Variants in SMG1 observed in about 807,000 individuals in gnomAD.
The protein encoded by SMG1 is SMG1 nonsense mediated mRNA decay associated PI3K related kinase.
Under a neutral mutation model 419.9 loss-of-function variants are expected in SMG1, and 22 were observed. That is an observed-to-expected ratio of 0.05 (90% CI 0.04 to 0.07). SMG1 has a LOEUF of 0.07. Among genes scored for constraint, SMG1 ranks in the 10% least tolerant of loss-of-function variants. The probability of loss-of-function intolerance (pLI) is 1.00; values close to 1 mark genes in which losing one functional copy is unlikely to be tolerated. For missense variants in SMG1, 3,185 were observed against 4,342.0 expected, an observed-to-expected ratio of 0.73 and a Z score of 7.49; for synonymous variants, 1,538 against 1,553.5, an observed-to-expected ratio of 0.99 and a Z score of 0.23.
intron 1 of SMG1, among the ~76,000 whole-genome samples, chr16:18,915,186 G>A (rs2037924799): frequency 6.6e-6 from 1 of 152,062 alleles, no homozygotes; most frequent in South Asian, 2.1e-4. Flanking sequence ...TGTTGGCCAG[G>A]ATGGTCTTGA....
intron 11 of SMG1, chr16:18,877,923 T>C (rs1369601062): frequency 1.3e-5 from 2 of 152,134 alleles, no homozygotes; most frequent in African/African-American, 4.8e-5. Context: ...AGAATTTGCT[T>C]TAAAATACTC....
At chr16:18,880,863 C>G (rs1027897516) in intron 10 of SMG1, among the ~76,000 whole-genome samples, 4 of 151,356 alleles carry the variant, frequency 2.6e-5, no homozygotes, top group Middle Eastern at 6.8e-3. Flanking sequence ...GAGACCCCAT[C>G]TCTACAAAAA....
chr16:18,827,659 A>T (rs1301433128), intron 55 of SMG1, among the ~76,000 whole-genome samples: 1 of 144,184 alleles, frequency 6.9e-6, no homozygotes, highest in Non-Finnish European at 1.5e-5. Context: ...ATACCAAAAT[A>T]TATATTTTTA....
Position 18,837,269 on chromosome 16 carries a change from G to C in SMG1, c.7588C>G (p.His2530Asp), listed in dbSNP as rs1364058385. ...GTTTTAAACCTGTGTTGCAGAGTAT[G>C]AGAAGGATGATCCACCCCTTCAGCT... is the stretch of plus-strand genomic sequence containing the variant. ...EGAEGVDHPS[H>D]TLQHRYSEHT... The change falls in exon 46 of 63, where the codon CAT becomes GAT. Residue 2530 changes from histidine (H) to aspartate (D), a missense_variant. Transcript: ENST00000446231. 1 of 1,613,648 alleles carries C rather than the reference G, an allele frequency of 6.2e-7. No individual in the cohort carries two copies. Among genetic ancestry groups the C allele is most frequent in the Non-Finnish European group, 8.5e-7 (1 of 1,179,742 alleles).
At chr16:18,869,019 TCAAATCTTTAA>T in intron 20 of SMG1, 74 bp downstream of exon 20, 1 of 1,263,556 alleles carries the variant, frequency 7.9e-7, no homozygotes, top group Admixed American at 1.9e-5. Flanking sequence ...TCATATACTC[TCAAATCTTTAA>T]CAAAGATTTA....
At position 18,859,879 on chromosome 16, in the gene SMG1, CT is replaced by C. The variant is rs538938540; in HGVS notation, c.3806-177del. On this transcript the variant is annotated intron_variant, in intron 26 of 62. Coordinates refer to ENST00000446231, the MANE Select transcript of SMG1 (RefSeq NM_015092.5). ...AAAAATCATACTTCATACAAAATTACTGTACCTCAGACCCCTAAAAAGCAGT... is the reference window on the plus strand; with the variant it reads ...AAAAATCATACTTCATACAAAATTACGTACCTCAGACCCCTAAAAAGCAGT... Among the ~76,000 whole-genome samples the C allele has an allele frequency of 2.2e-3, 329 of 152,262 alleles. 5 individuals are homozygous for C. Among genetic ancestry groups the C allele is most frequent in the African/African-American group, 7.2e-3 (301 of 41,544 alleles).
At chr16:18,852,519 A>G (rs1345824799) in intron 31 of SMG1, 57 bp from the exon 32 acceptor site, 1 of 1,352,814 alleles carries the variant, frequency 7.4e-7, no homozygotes, top group African/African-American at 1.5e-5. Context: ...TGTTACATTC[A>G]TAAATTCCTA....
intron 2 of SMG1, among the ~76,000 whole-genome samples, chr16:18,896,458 T>G (rs2037132077): frequency 6.6e-6 from 1 of 152,220 alleles, no homozygotes; most frequent in Non-Finnish European, 1.5e-5. Context: ...AAATCAAATT[T>G]TGTACCTTGT....
At chr16:18,894,276 A>C (rs1414351942) in intron 3 of SMG1, among the ~76,000 whole-genome samples, 2 of 152,040 alleles carry the variant, frequency 1.3e-5, no homozygotes, top group Non-Finnish European at 2.9e-5. Flanking sequence ...CCTGAACTTA[A>C]AAGTTAAAAA....
intron 60 of SMG1, 136 bp downstream of exon 60, chr16:18,815,039 G>A: frequency 1.6e-6 from 1 of 639,554 alleles, no homozygotes; most frequent in South Asian, 2.1e-5. Flanking sequence ...TTAAGGATAA[G>A]CTAAAATCTG....
At chr16:18,848,165 AC>A in intron 36 of SMG1, 132 bp from the exon 37 acceptor site, 6 of 711,688 alleles carry the variant, frequency 8.4e-6, no homozygotes, top group South Asian at 1.8e-5. Flanking sequence ...CAGGCATAGA[AC>A]TGATTAAAGA....
Position 18,805,700 on chromosome 16 carries a change from A to C in SMG1, c.*3869T>G, listed in dbSNP as rs1019031624. On this transcript the variant is annotated 3_prime_UTR_variant, in exon 63 of 63. Coordinates refer to ENST00000446231, the MANE Select transcript of SMG1 (RefSeq NM_015092.5). ...ATATTACCCAAATATTGAAAACAAA[A>C]TCTACCTTCTTTAACCCTTGTATTA... The C allele has an allele frequency of 1.3e-5, 2 of 152,162 alleles. No homozygotes were observed. The highest frequency in any genetic ancestry group is 4.1e-4 in the South Asian group (2 of 4,832). The allele number at this position is 152,162 out of a possible 1,614,324, so 9.4% of individuals were successfully genotyped here. A position where few individuals can be genotyped will look rare whatever the true frequency, so the allele number is the denominator to read the frequency against.
intron 23 of SMG1, among the ~76,000 whole-genome samples, chr16:18,864,949 T>C (rs1322676631): frequency 6.6e-6 from 1 of 152,172 alleles, no homozygotes; most frequent in East Asian, 1.9e-4. Flanking sequence ...TAAAAAAATG[T>C]AAGACAGTAT....
Position 18,833,070 on chromosome 16 carries a change from C to A in SMG1, c.8662G>T (p.Asp2888Tyr). Residue 2888 changes from aspartate (D) to tyrosine (Y), a missense_variant, in exon 51 of 63, where the codon GAC becomes TAC. By Grantham distance (160) the Asp-to-Tyr change is radical (BLOSUM62 -3). Transcript: ENST00000446231. ...TCGGTGGTCTGCTCAATAAGACCGT[C>A]CAGTTCATGCAGCATACTTTCTAAC... is the stretch of plus-strand genomic sequence containing the variant. Reference protein sequence around the residue: ...YTLESMLHELDGLIEQTTDGV... With the variant: ...YTLESMLHELYGLIEQTTDGV... 6.2e-7 allele frequency: 1 copy of A among 1,613,958 alleles called. No homozygotes were observed.
chr16:18,810,695 G>C (rs1374197288), intron 62 of SMG1, among the ~76,000 whole-genome samples: 1 of 152,134 alleles, frequency 6.6e-6, no homozygotes, highest in African/African-American at 2.4e-5. Context: ...AGGATATTTT[G>C]AGATAATTGG....
At position 18,863,753 on chromosome 16, in the gene SMG1, C is replaced by A; in HGVS notation, c.3592G>T (p.Ala1198Ser). The A allele has an allele frequency of 6.3e-7, 1 of 1,580,436 alleles. No homozygotes were observed. The highest frequency in any genetic ancestry group is 1.1e-5 in the South Asian group (1 of 90,600). Residue 1198 changes from alanine (A) to serine (S), a missense_variant, in exon 25 of 63, where the codon GCC becomes TCC. Physicochemically the swap from Ala to Ser is moderately conservative, Grantham distance 99. Around this residue, in one of 27 missense-constraint regions of SMG1, gnomAD observed 120 missense variants for 193.3 expected, o/e 0.62. Transcript: ENST00000446231. ...CATTCCTGCACAGCAGCCCAATCGG[C>A]AATTGAGATGTAGCACTCACATGCT... is the stretch of plus-strand genomic sequence containing the variant. ...NKACECYISI[A>S]DWAAVQEWQN...
At chr16:18,863,627 T>A (rs747179075) in intron 25 of SMG1, 23 bp downstream of exon 25, 1 of 1,587,636 alleles carries the variant, frequency 6.3e-7, no homozygotes, top group East Asian at 2.2e-5. Context: ...ATTTGTTTTA[T>A]AACTGGAAAA....
chr16:18,865,962 T>A lies in SMG1; in HGVS notation c.3350+659A>T, dbSNP rs1362340648. 3.9e-5 allele frequency among the ~76,000 whole-genome samples: 6 copies of A among 152,034 alleles called. No individual in the cohort carries two copies. The East Asian group carries it at 9.6e-4, about 24-fold the overall frequency. On this transcript the variant is annotated intron_variant, in intron 23 of 62. Coordinates refer to ENST00000446231, the MANE Select transcript of SMG1 (RefSeq NM_015092.5). The stretch of plus-strand genomic sequence containing the variant: ...CAGATGTAAGCCACCGAACCCAGCC[T>A]AACATGGCAAATTTTTTTTTTAATA...
Position 18,806,061 on chromosome 16 carries a change from G to A in SMG1, c.*3508C>T, listed in dbSNP as rs932171327. On this transcript the variant is annotated 3_prime_UTR_variant, in exon 63 of 63. Transcript: ENST00000446231. ...GGCCCGGAAGACTTTGCAATTTAAAGTACTGCCTATAATACCCCAGATTAA... is the reference window on the plus strand; with the variant it reads ...GGCCCGGAAGACTTTGCAATTTAAAATACTGCCTATAATACCCCAGATTAA... The A allele has an allele frequency of 2.0e-5, 3 of 152,542 alleles. No individual in the cohort carries two copies. The highest frequency in any genetic ancestry group is 7.2e-5 in the African/African-American group (3 of 41,410). 9.4% of individuals were successfully genotyped at this position (152,542 alleles called of 1,614,324 possible).
Sources: gnomAD v4.1 joint callset for allele counts (sites outside exome capture counted in the v4.1 genomes callset) on GRCh38, gnomAD v4.1.1 for gene constraint, gnomAD v4.1.1 regional missense constraint, MANE v1.5 for transcripts, NCBI Gene and HGNC (gene_info 2026-07-23, HGNC 2026-07-21) for gene names.